Variants in BIRC6 observed in about 807,000 individuals in gnomAD.
The protein encoded by BIRC6 is baculoviral IAP repeat containing 6, also known as dual E2 ubiquitin-conjugating enzyme/E3 ubiquitin-protein ligase BIRC6.
Under a neutral mutation model 503.3 loss-of-function variants are expected in BIRC6, and 98 were observed. The ratio of observed to expected loss-of-function variants is 0.19; its 90% confidence interval spans 0.17 to 0.23. BIRC6 has a LOEUF of 0.23. Ranked by LOEUF, BIRC6 falls within the 10% of genes least tolerant of loss-of-function variation. BIRC6 has a pLI of 1.00. For synonymous variants in BIRC6, 2,240 were observed against 2,078.7 expected (o/e 1.08, Z -2.11); for missense variants, 5,360 against 5,806.0 (o/e 0.92, Z 2.50).
chr2:32,594,188 T>G (rs1429624355), intron 67 of BIRC6, 128 bp downstream of exon 67: 2 of 1,089,480 alleles, frequency 1.8e-6, no homozygotes. Flanking sequence ...ACCTAAAAAT[T>G]TTGTTCTCTG....
In BIRC6 at chr2:32,490,036, C is replaced by T; in HGVS notation, c.8096-5C>T. 1.3e-6 allele frequency: 2 copies of T among 1,581,676 alleles called. No homozygotes were observed. The highest frequency in any genetic ancestry group is 1.7e-6 in the Non-Finnish European group (2 of 1,151,456). On this transcript the variant is annotated splice_region_variant and splice_polypyrimidine_tract_variant and intron_variant, in intron 42 of 73. Coordinates refer to ENST00000421745, the MANE Select transcript of BIRC6 (RefSeq NM_016252.4). ...AAATATTTTCCCTTTCTCTTTTCTG[C>T]ATAGCATCAATAACTAGCTTTCTCA...
chr2:32,443,423 C>A (rs1444637706), intron 19 of BIRC6, 68 bp from the exon 20 acceptor site: 3 of 1,073,106 alleles, frequency 2.8e-6, no homozygotes, highest in Middle Eastern at 2.1e-4. Flanking sequence ...AGGTACCACA[C>A]CAGGTTTAGG....
At chr2:32,370,605 A>AT (rs1215500958) in intron 1 of BIRC6, among the ~76,000 whole-genome samples, 2 of 152,134 alleles carry the variant, frequency 1.3e-5, no homozygotes, top group East Asian at 1.9e-4. Flanking sequence ...TGTTACTAAC[A>AT]TTTTTTCTCT....
intron 40 of BIRC6, among the ~76,000 whole-genome samples, chr2:32,487,038 CTGTT>C (rs2051078551): frequency 1.3e-5 from 2 of 151,840 alleles, no homozygotes; most frequent in Non-Finnish European, 2.9e-5. Context: ...AAAAGAAAAT[CTGTT>C]TGAAATTGGT....
At chr2:32,519,854 G>T (rs767596144) in intron 57 of BIRC6, among the ~76,000 whole-genome samples, 6 of 152,186 alleles carry the variant, frequency 3.9e-5, no homozygotes, top group Non-Finnish European at 7.3e-5. Flanking sequence ...TATTGCCACT[G>T]TGAAATTCTG....
At chr2:32,468,956 AT>A (rs1188095653) in intron 29 of BIRC6, among the ~76,000 whole-genome samples, 173 bp downstream of exon 29, 1 of 152,178 alleles carries the variant, frequency 6.6e-6, no homozygotes, top group South Asian at 2.1e-4. Flanking sequence ...TATTTTAAAC[AT>A]TTCTTAAATG....
chr2:32,602,245 A>G (rs1172670314), intron 70 of BIRC6, among the ~76,000 whole-genome samples: 1 of 152,242 alleles, frequency 6.6e-6, no homozygotes, highest in African/African-American at 2.4e-5. Flanking sequence ...GTGGAATACT[A>G]TTCAGCCATG....
chr2:32,608,032 A>G (rs996953271), intron 72 of BIRC6, among the ~76,000 whole-genome samples: 164 of 146,684 alleles, frequency 1.1e-3, no homozygotes, highest in Non-Finnish European at 2.1e-3. Flanking sequence ...TTAGTATTCT[A>G]TTTGCCTTTA....
In BIRC6 at chr2:32,569,269, G is replaced by A. The variant is rs992603544; in HGVS notation, c.13145-5887G>A. On this transcript the variant is annotated intron_variant, in intron 65 of 73. Coordinates refer to ENST00000421745, the MANE Select transcript of BIRC6 (RefSeq NM_016252.4). ...CTCCCAAAGTGCCGAGATTATAGGCGTGAGCCACCGCACTTGGCCTGTAGT... is the reference window on the plus strand; with the variant it reads ...CTCCCAAAGTGCCGAGATTATAGGCATGAGCCACCGCACTTGGCCTGTAGT... Among the ~76,000 whole-genome samples the A allele has an allele frequency of 2.6e-4, 39 of 152,258 alleles. 1 individual carries two copies. Among genetic ancestry groups the A allele is most frequent in the Admixed American group, 9.8e-4 (15 of 15,288 alleles).
chr2:32,573,442 AGCCTCAG>A (rs2060053987), intron 65 of BIRC6, among the ~76,000 whole-genome samples: 1 of 152,110 alleles, frequency 6.6e-6, no homozygotes, highest in South Asian at 2.1e-4. Flanking sequence ...GTGATCCATC[AGCCTCAG>A]CCTCTCAAAG....
intron 4 of BIRC6, among the ~76,000 whole-genome samples, chr2:32,391,082 T>C (rs1573876144): frequency 6.6e-6 from 1 of 152,338 alleles, no homozygotes; most frequent in East Asian, 1.9e-4. Context: ...GATCTATGCC[T>C]ATTTTGAGAT....
intron 1 of BIRC6, among the ~76,000 whole-genome samples, chr2:32,376,185 C>CA (rs35262687): frequency 0.049 from 5,233 of 105,934 alleles, 144 homozygotes; most frequent in Non-Finnish European, 0.074. Context: ...GACTCGGTCT[C>CA]AAAAAAAAAA....
rs1254802272 is a variant in BIRC6, at chr2:32,594,159, T to C, written c.13501+99T>C. ...TTGTGTTTTTGCTTTATGTTAATGATTTTAAAGCAAGTTCATTTACCTAAA... is the reference window on the plus strand; with the variant it reads ...TTGTGTTTTTGCTTTATGTTAATGACTTTAAAGCAAGTTCATTTACCTAAA... On this transcript the variant is annotated intron_variant, in intron 67 of 73. Transcript: ENST00000421745. 2.0e-5 allele frequency: 27 copies of C among 1,341,534 alleles called. No individual in the cohort carries two copies. In the East Asian group the frequency reaches 4.1e-4, roughly 21 times the overall value. 83.1% of individuals were successfully genotyped at this position (1,341,534 alleles called of 1,614,324 possible).
chr2:32,393,601 A>G (rs1293172466), intron 5 of BIRC6, among the ~76,000 whole-genome samples: 2 of 152,198 alleles, frequency 1.3e-5, no homozygotes, highest in Non-Finnish European at 2.9e-5. Context: ...GCCACAGCTC[A>G]CTGCAGCCTC....
chr2:32,593,882 C>A (rs1477845144), intron 66 of BIRC6, 33 bp from the exon 67 acceptor site: 9 of 1,581,310 alleles, frequency 5.7e-6, no homozygotes, highest in African/African-American at 1.4e-5. Flanking sequence ...TCTTAATTTT[C>A]CTTGCTTTTC....
chr2:32,462,497 C>T (rs1442999797), intron 23 of BIRC6, among the ~76,000 whole-genome samples: 1 of 152,038 alleles, frequency 6.6e-6, no homozygotes, highest in Non-Finnish European at 1.5e-5. Flanking sequence ...GTGGGATATG[C>T]CTCTCTCCAT....
At chr2:32,435,247 A>G (rs1222591617) in intron 13 of BIRC6, among the ~76,000 whole-genome samples, 1 of 152,196 alleles carries the variant, frequency 6.6e-6, no homozygotes, top group African/African-American at 2.4e-5. Flanking sequence ...TTGCCAGCAG[A>G]TTGTTTCTTT....
chr2:32,611,958 C>T (rs566053913), intron 73 of BIRC6, among the ~76,000 whole-genome samples: 1 of 152,162 alleles, frequency 6.6e-6, no homozygotes, highest in Non-Finnish European at 1.5e-5. Flanking sequence ...TCTCTGTAAC[C>T]TTGAACTCCT....
chr2:32,493,451 T>C (rs1476413380), intron 44 of BIRC6, 89 bp from the exon 45 acceptor site: 16 of 1,316,710 alleles, frequency 1.2e-5, no homozygotes, highest in Non-Finnish European at 1.6e-5. Flanking sequence ...AGTGTATAGC[T>C]TTTGACTTTC....
Sources: allele counts gnomAD v4.1 joint callset (sites outside exome capture counted in the v4.1 genomes callset), GRCh38; gene constraint gnomAD v4.1.1; transcripts MANE v1.5; gene names NCBI Gene and HGNC (gene_info 2026-07-23, HGNC 2026-07-21).